ZNF331: variants seen among roughly 807,000 people sequenced by gnomAD.
ZNF331 encodes zinc finger protein 331, also known as C2H2-like zinc finger protein rearranged in thyroid adenomas.
Under a neutral mutation model 7.0 loss-of-function variants are expected in ZNF331, and 2 were observed. The ratio of observed to expected loss-of-function variants is 0.29; its 90% CI spans 0.12 to 0.90. The LOEUF (loss-of-function observed/expected upper bound fraction) is 0.90, where lower values mean the gene tolerates loss of function less well. Ranked by LOEUF, ZNF331 falls within the 40% of genes least tolerant of loss-of-function variation. The pLI is 0.58. For missense variants in ZNF331, 432 were observed against 587.7 expected, an observed-to-expected ratio of 0.74 and a Z score of 2.74; for synonymous variants, 196 against 205.4, an observed-to-expected ratio of 0.95 and a Z score of 0.39.
chr19:53,570,781 C>T (rs1038184941), intron 4 of ZNF331, among the ~76,000 whole-genome samples: 19 of 152,094 alleles, frequency 1.2e-4, no homozygotes, highest in Admixed American at 5.9e-4. Context: ...ATCCGCCTGC[C>T]TCAGCCTCCC....
chr19:53,505,933 G>A, the ZNF331 span, among the ~76,000 whole-genome samples: 1 of 151,980 alleles, frequency 6.6e-6, no homozygotes, highest in African/African-American at 2.4e-5. Flanking sequence ...CGCACTAGCC[G>A]AGATCGTGCC....
chr19:53,577,812 A>G lies in ZNF331; in HGVS notation c.1252A>G (p.Lys418Glu), dbSNP rs1225028551. 6.2e-7 allele frequency: 1 copy of G among 1,614,086 alleles called. No homozygotes were observed. Among genetic ancestry groups the G allele is most frequent in the South Asian group, 1.1e-5 (1 of 91,074 alleles). ...ACCCTATGGGTGTACAGAATGTGGG[A>G]AGAGCTTTAGTCACGGCCATCAGCT... is the stretch of plus-strand genomic sequence containing the variant. ...VKPYGCTECG[K>E]SFSHGHQLTQ... The change falls in exon 6 of 6, where the codon AAG becomes GAG. Residue 418 changes from lysine to glutamate, a missense_variant. Lys to Glu is a moderately conservative substitution (Grantham distance 56). Coordinates refer to ENST00000449416, the MANE Select transcript of ZNF331 (RefSeq NM_001079906.2).
At position 53,559,536 on chromosome 19, in the gene ZNF331, G is replaced by T. The variant is rs115292158; in HGVS notation, c.-74+3628G>T. ...CATATATACACACATATACACACAC[G>T]CCATATATACACACATATACACACC... On this transcript the variant is annotated intron_variant, in intron 3 of 5. Coordinates refer to ENST00000449416, the MANE Select transcript of ZNF331 (RefSeq NM_001079906.2). Among the ~76,000 whole-genome samples the T allele has an allele frequency of 4.5e-5, 6 of 134,142 alleles. No homozygotes were observed. The South Asian group carries it at 1.4e-3, about 32-fold the overall frequency. The allele number at this position is 134,142 out of a possible 152,430, so 88.0% of individuals were successfully genotyped here.
At chr19:53,570,487 A>G (rs537340959) in intron 4 of ZNF331, among the ~76,000 whole-genome samples, 1 of 152,258 alleles carries the variant, frequency 6.6e-6, no homozygotes, top group South Asian at 2.1e-4. Context: ...GTAGTTTGGC[A>G]TGATGAACTG....
At chr19:53,529,128 C>T (rs918300946) in intron 2 of ZNF331, among the ~76,000 whole-genome samples, 1 of 152,076 alleles carries the variant, frequency 6.6e-6, no homozygotes, top group Non-Finnish European at 1.5e-5. Flanking sequence ...GAAGGCTGGG[C>T]GTGGTGGCTC....
the ZNF331 span, among the ~76,000 whole-genome samples, chr19:53,506,213 T>C: frequency 7.6e-6 from 1 of 132,280 alleles, no homozygotes; most frequent in East Asian, 2.1e-4. Context: ...CGGGCGCCTG[T>C]AATCCCAGCT....
At position 53,560,109 on chromosome 19, in the gene ZNF331, T is replaced by TAC. The variant is rs1165988188; in HGVS notation, c.-74+4209_-74+4210dup. Among the ~76,000 whole-genome samples, 2 of 148,332 alleles carry TAC rather than the reference T, an allele frequency of 1.3e-5. No homozygotes were observed. The highest frequency in any genetic ancestry group is 4.0e-4 in the East Asian group (2 of 5,056). On this transcript the variant is annotated intron_variant, in intron 3 of 5. Coordinates refer to ENST00000449416, the MANE Select transcript of ZNF331 (RefSeq NM_001079906.2). This position sits in a 1 kb window ranked among gnomAD's most constrained non-coding sequence, Gnocchi z 4.3. ...TATATACACACATATACCCACACCA[T>TAC]ACACACACATATATACACACACCAT...
chr19:53,523,227 T>A (rs2087155789), intron 2 of ZNF331: 1 of 151,936 alleles, frequency 6.6e-6, no homozygotes, highest in Non-Finnish European at 1.5e-5. Flanking sequence ...ACTATATTTT[T>A]TTTTTATTTT....
the ZNF331 span, among the ~76,000 whole-genome samples, chr19:53,513,778 T>C: frequency 0.26 from 39,236 of 151,420 alleles, 4,957 homozygotes; most frequent in African/African-American, 0.36. Flanking sequence ...ACCTGGCTAA[T>C]TTTTGTACTT....
chr19:53,545,250 T>C (rs1299102810), intron 2 of ZNF331, among the ~76,000 whole-genome samples: 1 of 152,168 alleles, frequency 6.6e-6, no homozygotes, highest in Non-Finnish European at 1.5e-5. Flanking sequence ...ACCCATAAAT[T>C]CCACATGTGG....
intron 3 of ZNF331, among the ~76,000 whole-genome samples, chr19:53,566,107 C>T (rs1256487812): frequency 1.3e-5 from 2 of 152,058 alleles, no homozygotes; most frequent in Non-Finnish European, 2.9e-5. Context: ...GGATACAAAG[C>T]AAAACCAGCT....
chr19:53,514,200 T>C, the ZNF331 span, among the ~76,000 whole-genome samples: 1 of 150,196 alleles, frequency 6.7e-6, no homozygotes, highest in Non-Finnish European at 1.5e-5. Context: ...TAATATATTT[T>C]TTCTCTGTTT....
chr19:53,537,309 A>G (rs1201309468), upstream of ZNF331: 2 of 152,248 alleles, frequency 1.3e-5, no homozygotes, highest in Admixed American at 1.3e-4. Flanking sequence ...CTACCTGTAC[A>G]TTGTTTACAA....
At chr19:53,507,701 C>T in the ZNF331 span, among the ~76,000 whole-genome samples, 1 of 152,172 alleles carries the variant, frequency 6.6e-6, no homozygotes, top group Non-Finnish European at 1.5e-5. Context: ...TTGTTCCGCT[C>T]AACGGTCAGA....
chr19:53,560,490 C>T lies in ZNF331; in HGVS notation c.-74+4582C>T, dbSNP rs2089817688. Among the ~76,000 whole-genome samples the T allele has an allele frequency of 6.6e-6, 1 of 152,166 alleles. No homozygotes were observed. ...GAAGGTTATGCCTGATTCAGTGACA[C>T]TACTTTTTCAATATTAGGCCTTATA... On this transcript the variant is annotated intron_variant, in intron 3 of 5. Coordinates refer to ENST00000449416, the MANE Select transcript of ZNF331 (RefSeq NM_001079906.2). This position sits in a 1 kb window ranked among gnomAD's most constrained non-coding sequence, Gnocchi z 4.3.
intron 3 of ZNF331, among the ~76,000 whole-genome samples, chr19:53,566,458 A>G (rs2090161276): frequency 1.3e-5 from 2 of 152,138 alleles, no homozygotes; most frequent in Admixed American, 6.6e-5. Context: ...AGGCCCAGCT[A>G]ATTTTTGTAT....
In ZNF331 at chr19:53,579,359, G is replaced by A. The variant is rs575338352; in HGVS notation, c.*1407G>A. On this transcript the variant is annotated 3_prime_UTR_variant, in exon 6 of 6. Transcript: ENST00000449416. Reference sequence around the variant, plus strand: ...CTACCAGTTGTCCCCACCATCCCCCGCCCTCCTCCCTGTGAGACACTGGGC... The same window carrying A: ...CTACCAGTTGTCCCCACCATCCCCCACCCTCCTCCCTGTGAGACACTGGGC... The A allele has an allele frequency of 6.3e-4, 86 of 137,544 alleles. 1 individual carries two copies. The highest frequency in any genetic ancestry group is 2.1e-3 in the African/African-American group (74 of 35,352). The allele number at this position is 137,544 out of a possible 1,614,324, so 8.5% of individuals were successfully genotyped here. A position where few individuals can be genotyped will look rare whatever the true frequency, so the allele number is the denominator to read the frequency against.
At chr19:53,511,503 ATAAAC>A in the ZNF331 span, among the ~76,000 whole-genome samples, 2 of 152,122 alleles carry the variant, frequency 1.3e-5, no homozygotes, top group Admixed American at 6.5e-5. Flanking sequence ...CAAAAACTAA[ATAAAC>A]TAAATAAATA....
At chr19:53,537,408 G>A (rs1440301821), upstream of ZNF331, 2 of 152,284 alleles carry the variant, frequency 1.3e-5, no homozygotes, top group African/African-American at 4.8e-5. Context: ...AGAGGGGCTA[G>A]GAGAGGATAC....
Sources: allele counts gnomAD v4.1 joint callset (sites outside exome capture counted in the v4.1 genomes callset), GRCh38; gene constraint gnomAD v4.1.1; non-coding constraint Gnocchi (gnomAD v3.1); transcripts MANE v1.5; gene names NCBI Gene and HGNC (gene_info 2026-07-23, HGNC 2026-07-21).